The following LRRC4C variants were observed in gnomAD, a reference collection of about 807,000 sequenced individuals.
LRRC4C encodes leucine rich repeat containing 4C, also known as leucine-rich repeat-containing protein 4C.
LRRC4C carries 5 observed loss-of-function variants against 33.6 expected under a neutral mutation model. The observed-to-expected ratio is 0.15, with a 90% CI of 0.08 to 0.31. LRRC4C has a LOEUF of 0.31. LRRC4C is among the 10% of genes least tolerant of loss of function. The probability of loss-of-function intolerance (pLI) is 1.00; values close to 1 mark genes in which losing one functional copy is unlikely to be tolerated. For synonymous variants in LRRC4C, 329 were observed against 302.0 expected (o/e 1.09, Z -0.93); for missense variants, 560 against 796.7 (o/e 0.70, Z 3.58).
intron 2 of LRRC4C, among the ~76,000 whole-genome samples, chr11:40,655,349 T>C (rs1175242278): frequency 2.0e-5 from 3 of 152,184 alleles, no homozygotes; most frequent in African/African-American, 7.2e-5. Context: ...TTGTGGCTGA[T>C]TGAAGTAAAC....
At chr11:40,411,181 AT>A (rs1339390714) in intron 3 of LRRC4C, among the ~76,000 whole-genome samples, 3 of 152,054 alleles carry the variant, frequency 2.0e-5, no homozygotes, top group African/African-American at 7.2e-5. Flanking sequence ...CACTTTTTGA[AT>A]TTTATCGTTG....
At chr11:40,501,911 T>C (rs953766940) in intron 3 of LRRC4C, among the ~76,000 whole-genome samples, 8 of 152,218 alleles carry the variant, frequency 5.3e-5, no homozygotes, top group African/African-American at 1.9e-4. Context: ...TCTGAACTTT[T>C]ATGCTCTGCT....
chr11:41,056,229 T>C (rs1355598295), intron 1 of LRRC4C, among the ~76,000 whole-genome samples: 1 of 152,168 alleles, frequency 6.6e-6, no homozygotes, highest in East Asian at 1.9e-4. Context: ...TTCTTAAATA[T>C]GACTCCAGCC....
At chr11:41,256,902 G>C (rs895459015) in intron 1 of LRRC4C, among the ~76,000 whole-genome samples, 5 of 152,010 alleles carry the variant, frequency 3.3e-5, no homozygotes, top group African/African-American at 1.2e-4. Context: ...TAAAGCTCCA[G>C]AGGTCTTCAG....
At chr11:40,780,514 G>A (rs1251852134) in intron 2 of LRRC4C, among the ~76,000 whole-genome samples, 1 of 152,100 alleles carries the variant, frequency 6.6e-6, no homozygotes, top group Non-Finnish European at 1.5e-5. Context: ...GAGAATGAGA[G>A]CTATTTAATA....
chr11:40,338,145 C>T (rs1380954300), intron 3 of LRRC4C, among the ~76,000 whole-genome samples: 3 of 152,118 alleles, frequency 2.0e-5, no homozygotes, highest in Non-Finnish European at 2.9e-5. Flanking sequence ...TAGTACAACT[C>T]GACTATATTT....
chr11:40,786,014 T>C (rs367713768), intron 2 of LRRC4C, among the ~76,000 whole-genome samples: 2 of 152,160 alleles, frequency 1.3e-5, no homozygotes, highest in African/African-American at 2.4e-5. Flanking sequence ...ACATGAAAAT[T>C]GGTGTCCTAT....
intron 3 of LRRC4C, among the ~76,000 whole-genome samples, chr11:40,589,728 C>G (rs951636208): frequency 6.6e-6 from 1 of 151,336 alleles, no homozygotes; most frequent in African/African-American, 2.4e-5. Context: ...ATTTCTCCTT[C>G]ACTTATGAAA....
intron 4 of LRRC4C, among the ~76,000 whole-genome samples, chr11:40,265,971 G>A (rs950704277): frequency 2.0e-5 from 3 of 152,110 alleles, no homozygotes; most frequent in African/African-American, 7.2e-5. Flanking sequence ...AAGTAAAAAC[G>A]TGCAGCACAT....
intron 5 of LRRC4C, among the ~76,000 whole-genome samples, chr11:40,180,904 A>G (rs940251813): frequency 1.3e-5 from 2 of 152,332 alleles, no homozygotes; most frequent in South Asian, 2.1e-4. Context: ...TAACAGCTGA[A>G]GAGTTGAACT....
intron 3 of LRRC4C, among the ~76,000 whole-genome samples, chr11:40,607,981 C>T (rs1407757511): frequency 6.6e-6 from 1 of 152,074 alleles, no homozygotes; most frequent in African/African-American, 2.4e-5. Context: ...CTGTTGCATG[C>T]CCTGCGAGGG....
In LRRC4C at chr11:40,262,271, A is replaced by T. The variant is rs1019039448; in HGVS notation, c.-175-20673T>A. On this transcript the variant is annotated intron_variant, in intron 4 of 6. Transcript: ENST00000528697. ...TCATTAGAGAAACGCAAATCAAAAC[A>T]AGATTATTATTATACCACCTCACAC... is the stretch of plus-strand genomic sequence containing the variant. Among the ~76,000 whole-genome samples the T allele has an allele frequency of 7.8e-4, 119 of 152,108 alleles. 2 individuals are homozygous for T. The highest frequency in any genetic ancestry group is 4.4e-5 in the Non-Finnish European group (3 of 67,944).
chr11:41,354,314 T>C (rs1338276926), intron 1 of LRRC4C, among the ~76,000 whole-genome samples: 1 of 151,818 alleles, frequency 6.6e-6, no homozygotes, highest in Non-Finnish European at 1.5e-5. Flanking sequence ...TATAGGTAAC[T>C]AGGGAAGTGA....
intron 5 of LRRC4C, among the ~76,000 whole-genome samples, chr11:40,229,066 G>A (rs755916959): frequency 1.2e-4 from 19 of 152,084 alleles, no homozygotes; most frequent in Non-Finnish European, 2.5e-4. Context: ...AGTCACTTGG[G>A]AACTCAGAAA....
At chr11:40,147,741 C>A (rs1303180278) in intron 5 of LRRC4C, among the ~76,000 whole-genome samples, 3 of 151,650 alleles carry the variant, frequency 2.0e-5, no homozygotes, top group African/African-American at 2.4e-5. Context: ...TTTTCTTTTT[C>A]TTTTTATGTA....
intron 5 of LRRC4C, among the ~76,000 whole-genome samples, chr11:40,151,965 A>C (rs1437286541): frequency 6.6e-6 from 1 of 152,188 alleles, no homozygotes; most frequent in Non-Finnish European, 1.5e-5. Flanking sequence ...GGGATGCAGG[A>C]CTAGATTGCA....
chr11:40,350,855 C>T (rs1236297323), intron 3 of LRRC4C, among the ~76,000 whole-genome samples: 1 of 151,736 alleles, frequency 6.6e-6, no homozygotes, highest in Non-Finnish European at 1.5e-5. Context: ...GTAGCTAGTG[C>T]AAATGGGGTT....
intron 1 of LRRC4C, among the ~76,000 whole-genome samples, chr11:40,940,663 T>C (rs1404981576): frequency 6.6e-6 from 1 of 152,176 alleles, no homozygotes; most frequent in Non-Finnish European, 1.5e-5. Flanking sequence ...AGCTTTCTAA[T>C]GCCTCCAGAA....
intron 3 of LRRC4C, among the ~76,000 whole-genome samples, chr11:40,387,897 G>A (rs559016465): frequency 1.6e-4 from 25 of 152,210 alleles, no homozygotes; most frequent in African/African-American, 5.8e-4. Context: ...TTTGAGGCTG[G>A]GTTAATTTCC....
Sources: allele counts gnomAD v4.1 joint callset (sites outside exome capture counted in the v4.1 genomes callset), GRCh38; gene constraint gnomAD v4.1.1; transcripts MANE v1.5; gene names NCBI Gene and HGNC (gene_info 2026-07-23, HGNC 2026-07-21).